The following STK3 variants were observed in gnomAD, a reference collection of about 807,000 sequenced individuals.
STK3 encodes the protein serine/threonine kinase 3, also known as serine/threonine-protein kinase 3.
In STK3, 41 loss-of-function variants were observed where a neutral mutation model predicts 58.0. That is an observed-to-expected ratio of 0.71 (90% CI 0.55 to 0.92). The LOEUF (loss-of-function observed/expected upper bound fraction) is 0.92. Ranked by LOEUF, STK3 falls within the 40% of genes least tolerant of loss-of-function variation. The pLI is 0.00. For synonymous variants in STK3, 170 were observed against 191.0 expected (o/e 0.89, Z 0.91); for missense variants, 479 against 602.7 (o/e 0.79, Z 2.15).
intron 6 of STK3, among the ~76,000 whole-genome samples, chr8:98,603,519 G>A (rs910218179): frequency 6.6e-6 from 1 of 152,126 alleles, no homozygotes; most frequent in Non-Finnish European, 1.5e-5. Flanking sequence ...TTACAGGTGT[G>A]AGCCACCGCA....
intron 1 of STK3, among the ~76,000 whole-genome samples, chr8:98,912,239 T>C (rs1028854675): frequency 3.9e-5 from 6 of 152,038 alleles, no homozygotes; most frequent in Non-Finnish European, 5.9e-5. Flanking sequence ...ATTAGCCCGA[T>C]GTGGTGGCGC....
intron 10 of STK3, among the ~76,000 whole-genome samples, chr8:98,522,586 A>G (rs780646187): frequency 2.1e-4 from 32 of 152,156 alleles, no homozygotes; most frequent in Admixed American, 3.9e-4. Flanking sequence ...AACCATTTTC[A>G]AGTGTTCAGT....
chr8:98,843,651 C>A (rs896390916), intron 3 of STK3, among the ~76,000 whole-genome samples: 2 of 152,220 alleles, frequency 1.3e-5, no homozygotes, highest in Non-Finnish European at 2.9e-5. Flanking sequence ...TCGGCTTGAC[C>A]ATTCCCTAGC....
intron 3 of STK3, among the ~76,000 whole-genome samples, chr8:98,419,276 G>A (rs1334436552): frequency 4.6e-5 from 7 of 152,134 alleles, no homozygotes; most frequent in South Asian, 2.1e-4. Context: ...CAGGATAATC[G>A]CTTGAACCCA....
intron 9 of STK3, among the ~76,000 whole-genome samples, chr8:98,544,648 T>G (rs535650706): frequency 1.0e-5 from 1 of 95,582 alleles, no homozygotes; most frequent in Admixed American, 1.4e-4. Context: ...AATTCTACTA[T>G]AACACACACA....
Position 98,698,654 on chromosome 8 carries a change from T to C in STK3, c.684+7813A>G, listed in dbSNP as rs4612310. On this transcript the variant is annotated intron_variant, in intron 6 of 10. Coordinates refer to ENST00000419617, the MANE Select transcript of STK3 (RefSeq NM_006281.4). ...GTTTGGCTGGATATGAAATTCTGGG[T>C]TGAAAATTCTTTTCTTTAAGAATGT... 2.6e-4 allele frequency among the ~76,000 whole-genome samples: 39 copies of C among 152,374 alleles called. 2 individuals are homozygous for C. In the South Asian group the frequency reaches 7.9e-3, roughly 31 times the overall value.
At chr8:98,757,701 C>A (rs1830379906) in intron 3 of STK3, among the ~76,000 whole-genome samples, 1 of 150,824 alleles carries the variant, frequency 6.6e-6, no homozygotes, top group Admixed American at 6.6e-5. Flanking sequence ...CATTCAAATT[C>A]ACATTTATTT....
chr8:98,837,114 G>C (rs530180433), intron 3 of STK3, among the ~76,000 whole-genome samples: 20 of 152,128 alleles, frequency 1.3e-4, no homozygotes, highest in South Asian at 6.2e-4. Flanking sequence ...TACCCCCGGA[G>C]GTACCTGGAT....
intron 6 of STK3, among the ~76,000 whole-genome samples, chr8:98,692,574 T>C (rs985070497): frequency 9.9e-5 from 15 of 152,108 alleles, no homozygotes; most frequent in Admixed American, 7.9e-4. Context: ...CAAGAGGATA[T>C]GGAGAATTAT....
downstream of STK3, among the ~76,000 whole-genome samples, chr8:98,398,132 G>C (rs986187249): frequency 1.3e-5 from 2 of 152,200 alleles, no homozygotes; most frequent in African/African-American, 4.8e-5. Context: ...CCTCAGCAGA[G>C]AGCGAAGGGC....
chr8:98,702,619 T>C (rs971200105), intron 6 of STK3, among the ~76,000 whole-genome samples: 1 of 152,222 alleles, frequency 6.6e-6, no homozygotes, highest in East Asian at 1.9e-4. Context: ...GCTGAGAAAA[T>C]GACTGGGAAA....
At chr8:98,768,630 A>G (rs961804814) in intron 2 of STK3, among the ~76,000 whole-genome samples, 1 of 152,168 alleles carries the variant, frequency 6.6e-6, no homozygotes, top group Non-Finnish European at 1.5e-5. Context: ...CATAGAATTC[A>G]GTGCTAGATC....
intron 10 of STK3, among the ~76,000 whole-genome samples, chr8:98,510,726 TG>T (rs1336583543): frequency 2.0e-5 from 3 of 152,090 alleles, no homozygotes; most frequent in African/African-American, 7.2e-5. Flanking sequence ...ACAGGAAAAA[TG>T]CTGTTTGCTT....
chr8:98,453,910 T>G (rs1819315661), downstream of STK3, among the ~76,000 whole-genome samples: 1 of 152,212 alleles, frequency 6.6e-6, no homozygotes, highest in Non-Finnish European at 1.5e-5. Flanking sequence ...GTGTTTCAGT[T>G]GATCAACTCA....
intron 3 of STK3, among the ~76,000 whole-genome samples, chr8:98,871,563 C>CT (rs1837382360): frequency 6.6e-6 from 1 of 152,056 alleles, no homozygotes; most frequent in South Asian, 2.1e-4. Context: ...CTTCATGTCC[C>CT]TTGTAAGTTG....
chr8:98,481,909 A>G (rs544212155), intron 10 of STK3, among the ~76,000 whole-genome samples: 8 of 152,170 alleles, frequency 5.3e-5, no homozygotes, highest in Non-Finnish European at 8.8e-5. Context: ...GTAACCTTCT[A>G]TACTAAAAAA....
upstream of STK3, among the ~76,000 whole-genome samples, chr8:98,389,928 AGAG>A (rs1165507231): frequency 6.6e-6 from 1 of 152,048 alleles, no homozygotes; most frequent in Non-Finnish European, 1.5e-5. Flanking sequence ...GCGACTGAGC[AGAG>A]GAGGGATGTG....
chr8:98,503,775 T>C (rs1292362534), intron 10 of STK3, among the ~76,000 whole-genome samples: 1 of 152,222 alleles, frequency 6.6e-6, no homozygotes, highest in Non-Finnish European at 1.5e-5. Flanking sequence ...GACAGTTTGT[T>C]GTGATTTCTG....
At chr8:98,574,273 CAATT>C (rs1461842300) in intron 8 of STK3, among the ~76,000 whole-genome samples, 1 of 152,104 alleles carries the variant, frequency 6.6e-6, no homozygotes, top group African/African-American at 2.4e-5. Context: ...TAAGAAACGA[CAATT>C]AAACAAAAGA....
Sources: allele counts gnomAD v4.1 joint callset (sites outside exome capture counted in the v4.1 genomes callset), GRCh38; gene constraint gnomAD v4.1.1; transcripts MANE v1.5; gene names NCBI Gene and HGNC (gene_info 2026-07-23, HGNC 2026-07-21).